The following ZNF382 variants were observed in gnomAD, a reference collection of about 807,000 sequenced individuals.
ZNF382 encodes zinc finger protein 382.
ZNF382 carries 20 observed loss-of-function variants against 38.8 expected under a neutral mutation model. The observed-to-expected ratio is 0.51, with a 90% CI of 0.36 to 0.75. The LOEUF is 0.75. Ranked by LOEUF, ZNF382 falls within the 30% of genes least tolerant of loss-of-function variation. ZNF382 has a pLI of 0.00. For synonymous variants in ZNF382, 202 were observed against 223.1 expected, an observed-to-expected ratio of 0.91 and a Z score of 0.84; for missense variants, 546 against 654.1, an observed-to-expected ratio of 0.83 and a Z score of 1.80.
Position 36,631,272 on chromosome 19 carries a change from A to C in ZNF382, c.*3722A>C, listed in dbSNP as rs948783036. ...TAGAGCCTGTTGCTCCTAGGCTACA[A>C]ATCTGTACTGCATGTTACTGTGCTG... is the stretch of plus-strand genomic sequence containing the variant. On this transcript the variant is annotated 3_prime_UTR_variant, in exon 5 of 5. Coordinates refer to ENST00000292928, the MANE Select transcript of ZNF382 (RefSeq NM_032825.5). The C allele has an allele frequency of 3.3e-5, 5 of 152,262 alleles. No homozygotes were observed. The highest frequency in any genetic ancestry group is 1.2e-4 in the African/African-American group (5 of 41,452). 9.4% of individuals were successfully genotyped at this position (152,262 alleles called of 1,614,324 possible). A position where few individuals can be genotyped will look rare whatever the true frequency, so the allele number is the denominator to read the frequency against.
chr19:36,626,749 T>C lies in ZNF382; in HGVS notation c.852T>C (p.Ile284=). 1.9e-6 allele frequency: 3 copies of C among 1,614,232 alleles called. No homozygotes were observed. The highest frequency in any genetic ancestry group is 2.5e-6 in the Non-Finnish European group (3 of 1,180,050). ...TCCTCTGCAGAAAGCCTGTTTTTATTATGCCTCAGAGACCTCAAACAGAAG... is the reference window on the plus strand; with the variant it reads ...TCCTCTGCAGAAAGCCTGTTTTTATCATGCCTCAGAGACCTCAAACAGAAG... ...GKFLCRKPVF[I]MPQRPQTEEK... is the part of the protein sequence containing the mutation. The change falls in exon 5 of 5, where the codon ATT becomes ATC. Residue 284 remains isoleucine, a synonymous_variant. Transcript: ENST00000292928.
At chr19:36,625,247 A>G (rs1428962235) in intron 4 of ZNF382, among the ~76,000 whole-genome samples, 3 of 151,178 alleles carry the variant, frequency 2.0e-5, no homozygotes, top group African/African-American at 7.3e-5. Flanking sequence ...AAAATAAATT[A>G]CGGTTATATG....
In ZNF382 at chr19:36,633,779, C is replaced by A. The variant is rs1448100483; in HGVS notation, c.*6229C>A. ...AATGAGCTACTGAAACATGCAGCTA[C>A]ATAGATGAACCTCAAATGCATTACG... On this transcript the variant is annotated 3_prime_UTR_variant, in exon 5 of 5. Transcript: ENST00000292928. 6.6e-6 allele frequency: 1 copy of A among 152,130 alleles called. No homozygotes were observed. The highest frequency in any genetic ancestry group is 1.9e-4 in the East Asian group (1 of 5,194). 9.4% of individuals were successfully genotyped at this position (152,130 alleles called of 1,614,324 possible). A position where few individuals can be genotyped will look rare whatever the true frequency, so the allele number is the denominator to read the frequency against.
intron 4 of ZNF382, among the ~76,000 whole-genome samples, chr19:36,620,538 G>A (rs2037160804): frequency 6.6e-6 from 1 of 152,112 alleles, no homozygotes; most frequent in Non-Finnish European, 1.5e-5. Flanking sequence ...AGTCCTGCAA[G>A]CTACAATCAT....
In ZNF382 at chr19:36,630,856, CT is replaced by C. The variant is rs2037249898; in HGVS notation, c.*3307del. 6.6e-6 allele frequency: 1 copy of C among 151,424 alleles called. No individual in the cohort carries two copies. The highest frequency in any genetic ancestry group is 2.4e-5 in the African/African-American group (1 of 41,182). 9.4% of individuals were successfully genotyped at this position (151,424 alleles called of 1,614,324 possible). A position where few individuals can be genotyped will look rare whatever the true frequency, so the allele number is the denominator to read the frequency against. Reference sequence around the variant, plus strand: ...CTGGAGTAGAGTGGTGCCATTATAGCTCACTGCAGACTTGAATTCCTGGACT... The same window carrying C: ...CTGGAGTAGAGTGGTGCCATTATAGCCACTGCAGACTTGAATTCCTGGACT... On this transcript the variant is annotated 3_prime_UTR_variant, in exon 5 of 5. Transcript: ENST00000292928.
Position 36,627,502 on chromosome 19 carries a change from C to T in ZNF382, c.1605C>T (p.Leu535=). 2 of 1,613,060 alleles carry T rather than the reference C, an allele frequency of 1.2e-6. No individual in the cohort carries two copies. The highest frequency in any genetic ancestry group is 1.3e-5 in the African/African-American group (1 of 75,042). The change falls in exon 5 of 5, where the codon CTC becomes CTT. Residue 535 remains leucine (L), a synonymous_variant. Transcript: ENST00000292928. ...CGKFFSCKSN[L]IVHQKTHKVE... is the part of the protein sequence containing the mutation. ...AGTTCTTCAGTTGTAAGTCAAACCT[C>T]ATTGTCCATCAGAAAACTCACAAGG... is the stretch of plus-strand genomic sequence containing the variant.
chr19:36,610,688 G>C lies in ZNF382; in HGVS notation c.178G>C (p.Glu60Gln), dbSNP rs2037070238. The change falls in exon 4 of 5, where the codon GAA (glutamate) becomes CAA (glutamine). Residue 60 changes from glutamate (E) to glutamine (Q), a missense_variant. Physicochemically the swap from Glu to Gln is conservative, Grantham distance 29 (BLOSUM62 2). Coordinates refer to ENST00000292928, the MANE Select transcript of ZNF382 (RefSeq NM_032825.5). Reference sequence around the variant, plus strand: ...TAAGCCTGATATGATCCGCAAGTTGGAACAAGGAGAAGAGCTATGGACACA... The same window carrying C: ...TAAGCCTGATATGATCCGCAAGTTGCAACAAGGAGAAGAGCTATGGACACA... ...MAKPDMIRKL[E>Q]QGEELWTQRI... 1 of 1,613,204 alleles carries C rather than the reference G, an allele frequency of 6.2e-7. No homozygotes were observed. The highest frequency in any genetic ancestry group is 1.3e-5 in the African/African-American group (1 of 74,886).
At chr19:36,624,179 T>C (rs1296313208) in intron 4 of ZNF382, among the ~76,000 whole-genome samples, 2 of 152,116 alleles carry the variant, frequency 1.3e-5, no homozygotes, top group African/African-American at 4.8e-5. Context: ...AGGGAGGCAA[T>C]GTAACTCCAA....
intron 3 of ZNF382, 34 bp downstream of exon 3, chr19:36,610,087 C>G: frequency 6.2e-7 from 1 of 1,605,774 alleles, no homozygotes; most frequent in Non-Finnish European, 8.5e-7. Flanking sequence ...CACTGTCATG[C>G]ATCTCCTTCT....
At chr19:36,623,856 C>T (rs866155965) in intron 4 of ZNF382, among the ~76,000 whole-genome samples, 10 of 150,906 alleles carry the variant, frequency 6.6e-5, no homozygotes, top group Admixed American at 4.6e-4. Flanking sequence ...TTTGGGAGGC[C>T]GAGGTGGGTG....
chr19:36,617,315 A>G (rs1215301286), intron 4 of ZNF382, among the ~76,000 whole-genome samples: 1 of 152,152 alleles, frequency 6.6e-6, no homozygotes, highest in Non-Finnish European at 1.5e-5. Flanking sequence ...TCATATAAAC[A>G]AGAGGAGCCT....
intron 2 of ZNF382, 59 bp downstream of exon 2, chr19:36,607,681 G>C (rs1375310484): frequency 6.9e-7 from 1 of 1,441,990 alleles, no homozygotes; most frequent in Non-Finnish European, 9.2e-7. Context: ...ATGAACATGA[G>C]CTTCACTGTC....
rs10669183 is a variant in ZNF382, at chr19:36,627,681, AACACACACAC to A, written c.*151_*160del. 222 of 533,054 alleles carry A rather than the reference AACACACACAC, an allele frequency of 4.2e-4. No individual in the cohort carries two copies. Among genetic ancestry groups the A allele is most frequent in the Middle Eastern group, 8.5e-4 (2 of 2,366 alleles). 33.0% of individuals were successfully genotyped at this position (533,054 alleles called of 1,614,324 possible). On this transcript the variant is annotated 3_prime_UTR_variant, in exon 5 of 5. Coordinates refer to ENST00000292928, the MANE Select transcript of ZNF382 (RefSeq NM_032825.5). Reference sequence around the variant, plus strand: ...TAACCTACTGTTTGCCAGCCTGTAAAACACACACACACACACACACACACACACAAATATT... The same window carrying A: ...TAACCTACTGTTTGCCAGCCTGTAAAACACACACACACACACACAAATATT...
chr19:36,626,335 T>G lies in ZNF382; in HGVS notation c.438T>G (p.Ile146Met). 1 of 1,583,476 alleles carries G rather than the reference T, an allele frequency of 6.3e-7. No homozygotes were observed. The highest frequency in any genetic ancestry group is 1.4e-5 in the African/African-American group (1 of 73,192). The change falls in exon 5 of 5, where the codon ATT becomes ATG. Residue 146 changes from isoleucine to methionine, a missense_variant. Ile to Met is a conservative substitution (Grantham distance 10, BLOSUM62 1). Transcript: ENST00000292928. ...CTGATGGAAAAGTTTTGAAAAATAT[T>G]TCAGAACTAGTCATTAGAAATATAA... is the stretch of plus-strand genomic sequence containing the variant. The part of the protein sequence containing the change: ...YKPDGKVLKN[I>M]SELVIRNISP...
chr19:36,626,036 G>A (rs1006001096), intron 4 of ZNF382, 94 bp from the exon 5 acceptor site: 18 of 823,046 alleles, frequency 2.2e-5, no homozygotes, highest in African/African-American at 7.1e-5. Flanking sequence ...GTAGATCACG[G>A]TAGTGAGATA....
rs1315056555 is a variant in ZNF382, at chr19:36,632,053, A to G, written c.*4503A>G. On this transcript the variant is annotated 3_prime_UTR_variant, in exon 5 of 5. Transcript: ENST00000292928. The stretch of plus-strand genomic sequence containing the variant: ...AAGGTAAGCATTAGGGCTCAGAATC[A>G]TCTAGCTGCACATTCCTCAGTGGTT... 6.6e-6 allele frequency: 1 copy of G among 152,274 alleles called. No homozygotes were observed. The highest frequency in any genetic ancestry group is 1.5e-5 in the Non-Finnish European group (1 of 68,088). The allele number at this position is 152,274 out of a possible 1,614,324, so 9.4% of individuals were successfully genotyped here.
chr19:36,610,885 C>G (rs981154103), intron 4 of ZNF382, 143 bp downstream of exon 4: 5 of 570,328 alleles, frequency 8.8e-6, no homozygotes, highest in Non-Finnish European at 1.5e-5. Context: ...GCATATAGTT[C>G]AGTAGCATCA....
chr19:36,612,481 C>T (rs758788386), intron 4 of ZNF382, among the ~76,000 whole-genome samples: 5 of 152,146 alleles, frequency 3.3e-5, no homozygotes, highest in Non-Finnish European at 7.4e-5. Flanking sequence ...GCAGCGATAT[C>T]GCTGATTCAT....
At chr19:36,607,670 T>C in intron 2 of ZNF382, 48 bp downstream of exon 2, 4 of 1,479,898 alleles carry the variant, frequency 2.7e-6, no homozygotes, top group Non-Finnish European at 3.6e-6. Flanking sequence ...TTTCATGGTG[T>C]ATGAACATGA....
Sources: allele counts gnomAD v4.1 joint callset (sites outside exome capture counted in the v4.1 genomes callset), GRCh38; gene constraint gnomAD v4.1.1; transcripts MANE v1.5; gene names NCBI Gene and HGNC (gene_info 2026-07-23, HGNC 2026-07-21).